Variants in PDE1A observed in about 807,000 individuals in gnomAD.
PDE1A encodes the protein dual specificity calcium/calmodulin-dependent 3',5'-cyclic nucleotide phosphodiesterase 1A.
Under a neutral mutation model 61.7 loss-of-function variants are expected in PDE1A, and 35 were observed. That is an observed-to-expected ratio of 0.57 (90% CI 0.43 to 0.75). The LOEUF (loss-of-function observed/expected upper bound fraction) is 0.75. PDE1A is among the 30% of genes least tolerant of loss of function. The pLI is 0.00. For missense variants in PDE1A, 597 were observed against 630.6 expected, an observed-to-expected ratio of 0.95 and a Z score of 0.57; for synonymous variants, 232 against 213.2, an observed-to-expected ratio of 1.09 and a Z score of -0.77.
intron 2 of PDE1A, among the ~76,000 whole-genome samples, chr2:182,435,238 T>C (rs1684320886): frequency 6.6e-6 from 1 of 152,002 alleles, no homozygotes; most frequent in African/African-American, 2.4e-5. Flanking sequence ...AACATACAAA[T>C]CTACTATTAA....
chr2:182,445,578 C>T (rs1164027893), intron 2 of PDE1A, among the ~76,000 whole-genome samples: 8 of 151,958 alleles, frequency 5.3e-5, no homozygotes, highest in East Asian at 1.9e-4. Flanking sequence ...TTAGCTTCAA[C>T]GTGAAAGCTA....
At position 182,489,582 on chromosome 2, in the gene PDE1A, T is replaced by A. The variant is rs72885201; in HGVS notation, c.101+32694A>T. Among the ~76,000 whole-genome samples, 718 of 152,256 alleles carry A rather than the reference T, an allele frequency of 4.7e-3. 5 individuals carry two copies. Among genetic ancestry groups the A allele is most frequent in the Middle Eastern group, 0.017 (5 of 294 alleles). On this transcript the variant is annotated intron_variant, in intron 2 of 14. Coordinates refer to the PDE1A transcript ENST00000410103. ...AGAAGTGATTGGATTCTAGATATAT[T>A]TTGAAGGTAGATTCCACAAGATTTC...
At chr2:182,715,633 G>C in the PDE1A span, among the ~76,000 whole-genome samples, 1 of 152,196 alleles carries the variant, frequency 6.6e-6, no homozygotes, top group Non-Finnish European at 1.5e-5. Context: ...ATAGCAGTAG[G>C]AGATCAAGGT....
chr2:182,628,723 T>A, the PDE1A span, among the ~76,000 whole-genome samples: 1 of 152,180 alleles, frequency 6.6e-6, no homozygotes, highest in East Asian at 1.9e-4. Flanking sequence ...TAAGATCATG[T>A]TAATCATTTC....
At chr2:182,467,160 G>C (rs1360131296) in intron 2 of PDE1A, among the ~76,000 whole-genome samples, 2 of 151,200 alleles carry the variant, frequency 1.3e-5, no homozygotes, top group Non-Finnish European at 3.0e-5. Flanking sequence ...GGAAGGGAGG[G>C]GAGGAAGAGA....
chr2:182,647,948 GGTGA>G, the PDE1A span, among the ~76,000 whole-genome samples: 15 of 152,102 alleles, frequency 9.9e-5, no homozygotes, highest in African/African-American at 2.9e-4. Context: ...AAGGAAGTGA[GGTGA>G]GTATCGGCAG....
chr2:182,220,221 G>C (rs985374256), intron 7 of PDE1A, among the ~76,000 whole-genome samples: 1 of 152,000 alleles, frequency 6.6e-6, no homozygotes, highest in African/African-American at 2.4e-5. Context: ...ATATGAACTA[G>C]CAAAGCACAT....
chr2:182,575,991 T>C, the PDE1A span, among the ~76,000 whole-genome samples: 1 of 148,766 alleles, frequency 6.7e-6, no homozygotes, highest in African/African-American at 2.4e-5. Flanking sequence ...AATTAATTAG[T>C]ACTATATTAA....
chr2:182,377,433 C>G (rs1459919603), intron 1 of PDE1A, among the ~76,000 whole-genome samples: 6 of 152,204 alleles, frequency 3.9e-5, no homozygotes, highest in Non-Finnish European at 8.8e-5. Flanking sequence ...TCCTGTACAG[C>G]CTGCAGAACT....
rs543477705 is a variant in PDE1A, at chr2:182,485,499, C to G, written c.101+36777G>C. The stretch of plus-strand genomic sequence containing the variant: ...TTACCTATGTAACTTTCACACGTAC[C>G]CCCAAACCTAAAATAAAAGTTTTTT... On this transcript the variant is annotated intron_variant, in intron 2 of 14. Transcript: ENST00000410103. 4.6e-5 allele frequency among the ~76,000 whole-genome samples: 7 copies of G among 151,780 alleles called. No homozygotes were observed. In the East Asian group the frequency reaches 1.4e-3, roughly 29 times the overall value.
intron 1 of PDE1A, among the ~76,000 whole-genome samples, chr2:182,269,169 A>T (rs1354137816): frequency 1.3e-5 from 2 of 152,188 alleles, no homozygotes; most frequent in African/African-American, 4.8e-5. Flanking sequence ...TCAAGAAGAA[A>T]CAAATAAATG....
the PDE1A span, among the ~76,000 whole-genome samples, chr2:182,650,044 G>A: frequency 1.3e-5 from 2 of 152,054 alleles, no homozygotes; most frequent in Non-Finnish European, 2.9e-5. Flanking sequence ...ATATCTAGGT[G>A]TGATCGTACT....
the PDE1A span, among the ~76,000 whole-genome samples, chr2:182,714,431 G>A: frequency 6.6e-6 from 1 of 152,166 alleles, no homozygotes; most frequent in East Asian, 1.9e-4. Flanking sequence ...CCTTGAACTA[G>A]ATATGTCCAA....
intron 13 of PDE1A, among the ~76,000 whole-genome samples, chr2:182,185,536 A>C (rs925092039): frequency 2.0e-5 from 3 of 152,184 alleles, no homozygotes; most frequent in Non-Finnish European, 4.4e-5. Context: ...AATGCAACAC[A>C]AAAGCCACTT....
chr2:182,448,548 T>C (rs532531233), intron 2 of PDE1A, among the ~76,000 whole-genome samples: 1 of 152,186 alleles, frequency 6.6e-6, no homozygotes, highest in South Asian at 2.1e-4. Context: ...ATCTCAGATA[T>C]TTAGAACTGA....
chr2:182,626,812 T>TATATATATACATATATATAC, the PDE1A span, among the ~76,000 whole-genome samples: 30 of 38,070 alleles, frequency 7.9e-4, 1 homozygote, highest in Non-Finnish European at 1.4e-3. Context: ...CATATATATA[T>TATATATATACATATATATAC]ACATATATAT....
At chr2:182,628,840 C>T in the PDE1A span, among the ~76,000 whole-genome samples, 1 of 152,158 alleles carries the variant, frequency 6.6e-6, no homozygotes, top group African/African-American at 2.4e-5. Context: ...TCCATGTTCT[C>T]GTAATCATCT....
At chr2:182,311,422 G>A (rs1436774891) in intron 1 of PDE1A, among the ~76,000 whole-genome samples, 1 of 152,170 alleles carries the variant, frequency 6.6e-6, no homozygotes, top group African/African-American at 2.4e-5. Flanking sequence ...TTTAGCAAAT[G>A]TATATAGTCA....
chr2:182,688,907 C>G, the PDE1A span, among the ~76,000 whole-genome samples: 265 of 152,156 alleles, frequency 1.7e-3, 7 homozygotes, highest in East Asian at 0.048. Flanking sequence ...GACTTTAAAC[C>G]AACAAAGATC....
Sources: gnomAD v4.1 joint callset for allele counts (sites outside exome capture counted in the v4.1 genomes callset) on GRCh38, gnomAD v4.1.1 for gene constraint, MANE v1.5 for transcripts, NCBI Gene and HGNC (gene_info 2026-07-23, HGNC 2026-07-21) for gene names.